The following IGSF9 variants were observed in gnomAD, a reference collection of about 807,000 sequenced individuals.
IGSF9 encodes immunoglobulin superfamily member 9.
A neutral mutation model predicts 121.7 loss-of-function variants in IGSF9; 87 were observed. The ratio of observed to expected loss-of-function variants is 0.71; its 90% confidence interval spans 0.60 to 0.85. IGSF9 has a LOEUF of 0.85. IGSF9 is among the 40% of genes least tolerant of loss of function. The pLI is 0.00. For synonymous variants in IGSF9, 640 were observed against 648.4 expected (o/e 0.99, Z 0.20); for missense variants, 1,462 against 1,565.3 (o/e 0.93, Z 1.11).
rs200016462 is a variant in IGSF9, at chr1:159,929,377, G to A, written c.2343C>T (p.Phe781=). The A allele has an allele frequency of 6.2e-7, 1 of 1,614,198 alleles. No individual in the cohort carries two copies. Among genetic ancestry groups the A allele is most frequent in the African/African-American group, 1.3e-5 (1 of 75,056 alleles). The change falls in exon 18 of 21, where the codon TTC becomes TTT. Residue 781 remains phenylalanine, a synonymous_variant. Coordinates refer to ENST00000368094, the MANE Select transcript of IGSF9 (RefSeq NM_001135050.2). ...KRLRQDPPLI[F]SPTGKSAAPS... is the part of the protein sequence containing the mutation. Reference sequence around the variant, plus strand: ...GTGCAGCTGACTTCCCGGTCGGAGAGAAGATAAGAGGTGGATCTGGAAGGG... The same window carrying A: ...GTGCAGCTGACTTCCCGGTCGGAGAAAAGATAAGAGGTGGATCTGGAAGGG...
chr1:159,935,357 G>A (rs1225956148), intron 6 of IGSF9, among the ~76,000 whole-genome samples: 1 of 152,142 alleles, frequency 6.6e-6, no homozygotes, highest in Admixed American at 6.5e-5. Context: ...CCAGCCCTGT[G>A]GACCCCTGCG....
In IGSF9 at chr1:159,929,406, G is replaced by A. The variant is rs201895706; in HGVS notation, c.2327-13C>T. The A allele has an allele frequency of 1.5e-4, 249 of 1,614,060 alleles. 2 individuals are homozygous for A. In the African/African-American group the frequency reaches 3.1e-3, roughly 20 times the overall value. ...ATAAGAGGTGGATCTGGAAGGGCATGAGAATAGTAGGTGACACAGGCAAAA... is the reference window on the plus strand; with the variant it reads ...ATAAGAGGTGGATCTGGAAGGGCATAAGAATAGTAGGTGACACAGGCAAAA... On this transcript the variant is annotated splice_polypyrimidine_tract_variant and intron_variant, in intron 17 of 20. Transcript: ENST00000368094.
intron 3 of IGSF9, among the ~76,000 whole-genome samples, chr1:159,940,498 C>T (rs1400897466): frequency 6.6e-6 from 1 of 152,160 alleles, no homozygotes; most frequent in African/African-American, 2.4e-5. Context: ...CCATATGCAG[C>T]GGCGTGTGAA....
chr1:159,928,698 G>A lies in IGSF9; in HGVS notation c.2690C>T (p.Pro897Leu), dbSNP rs751840592. Reference sequence around the variant, plus strand: ...AGGGCTGATGTCTTCAATGCAGAGGGGCTGGGGTGCCCCACTGGGGCTGCT... The same window carrying A: ...AGGGCTGATGTCTTCAATGCAGAGGAGCTGGGGTGCCCCACTGGGGCTGCT... ...SSSSPSGAPQ[P>L]LCIEDISPVA... Residue 897 changes from proline to leucine, a missense_variant, in exon 19 of 21, where the codon CCC becomes CTC. Pro to Leu is a moderately conservative substitution (Grantham distance 98). Around this residue, in one of 3 missense-constraint regions of IGSF9, gnomAD observed 808 missense variants for 815.2 expected, o/e 0.99. Coordinates refer to ENST00000368094, the MANE Select transcript of IGSF9 (RefSeq NM_001135050.2). 2 of 1,478,888 alleles carry A rather than the reference G, an allele frequency of 1.4e-6. No individual in the cohort carries two copies. Among genetic ancestry groups the A allele is most frequent in the Non-Finnish European group, 1.8e-6 (2 of 1,113,168 alleles). 91.6% of individuals were successfully genotyped at this position (1,478,888 alleles called of 1,614,324 possible).
Position 159,932,045 on chromosome 1 carries a change from G to A in IGSF9, c.1246-117C>T, listed in dbSNP as rs1327734257. 3 of 664,928 alleles carry A rather than the reference G, an allele frequency of 4.5e-6. No individual in the cohort carries two copies. The highest frequency in any genetic ancestry group is 7.9e-6 in the Non-Finnish European group (3 of 380,978). 41.2% of individuals were successfully genotyped at this position (664,928 alleles called of 1,614,324 possible). A position where few individuals can be genotyped will look rare whatever the true frequency, so the allele number is the denominator to read the frequency against. On this transcript the variant is annotated intron_variant, in intron 10 of 20. Transcript: ENST00000368094. The surrounding 1 kb of genome is among the most constrained non-coding windows in gnomAD (Gnocchi z 4.1). ...ACCTCACTCTCCCTCACTCCCCCTAGCTAAACACTCACCAAGCCTGTCTCT... is the reference window on the plus strand; with the variant it reads ...ACCTCACTCTCCCTCACTCCCCCTAACTAAACACTCACCAAGCCTGTCTCT...
At chr1:159,944,541 C>T (rs1326717592) in intron 1 of IGSF9, among the ~76,000 whole-genome samples, 1 of 152,156 alleles carries the variant, frequency 6.6e-6, no homozygotes, top group African/African-American at 2.4e-5. Flanking sequence ...GTTTGTCAAG[C>T]TCTTTCTTCC....
chr1:159,937,627 A>C, intron 4 of IGSF9, 59 bp downstream of exon 4: 600 of 1,524,202 alleles, frequency 3.9e-4, no homozygotes, highest in Middle Eastern at 5.1e-4. Context: ...CCCACCAGCC[A>C]GAGATCCCCA....
In IGSF9 at chr1:159,930,723, G is replaced by A. The variant is rs769335342; in HGVS notation, c.1782C>T (p.Pro594=). 6.2e-7 allele frequency: 1 copy of A among 1,614,130 alleles called. No individual in the cohort carries two copies. The highest frequency in any genetic ancestry group is 1.1e-5 in the South Asian group (1 of 91,086). Residue 594 remains proline (P), a synonymous_variant, in exon 14 of 21, where the codon CCC becomes CCT. Coordinates refer to ENST00000368094, the MANE Select transcript of IGSF9 (RefSeq NM_001135050.2). ...VLAQNKLGSG[P]FSEIVLSAPE... ...GAGCAGACAAGACGATTTCGCTGAA[G>A]GGACCACTCCCCAGCTTGTTCTGAG... is the stretch of plus-strand genomic sequence containing the variant.
rs186024344 is a variant in IGSF9, at chr1:159,941,905, G to T, written c.247+1058C>A. Among the ~76,000 whole-genome samples, 3 of 152,274 alleles carry T rather than the reference G, an allele frequency of 2.0e-5. No individual in the cohort carries two copies. In the East Asian group the frequency reaches 5.8e-4, roughly 30 times the overall value. ...GGCTGTTTGCCAATAACTGCCCCCA[G>T]TTTGAAAAGAAACTTCCCTTCTGCA... On this transcript the variant is annotated intron_variant, in intron 3 of 20. Transcript: ENST00000368094.
At position 159,934,488 on chromosome 1, in the gene IGSF9, T is replaced by C. The variant is rs1213400751; in HGVS notation, c.898A>G (p.Thr300Ala). ...AGGAGGCCATTGCTGGGCACACAGG[T>C]GTAGCAGCCGGCATCATCAGGCTGG... ...ATQPDDAGCY[T>A]CVPSNGLLHP... The change falls in exon 8 of 21, where the codon ACC becomes GCC. Residue 300 changes from threonine to alanine, a missense_variant. Coordinates refer to ENST00000368094, the MANE Select transcript of IGSF9 (RefSeq NM_001135050.2). The C allele has an allele frequency of 3.7e-6, 6 of 1,610,356 alleles. No individual in the cohort carries two copies. The East Asian group carries it at 1.3e-4, about 36-fold the overall frequency.
Position 159,932,094 on chromosome 1 carries a change from A to G in IGSF9, c.1246-166T>C. The G allele has an allele frequency of 1.7e-6, 1 of 582,106 alleles. No individual in the cohort carries two copies. Among genetic ancestry groups the G allele is most frequent in the Non-Finnish European group, 3.0e-6 (1 of 330,374 alleles). 36.1% of individuals were successfully genotyped at this position (582,106 alleles called of 1,614,324 possible). A position where few individuals can be genotyped will look rare whatever the true frequency, so the allele number is the denominator to read the frequency against. ...CTACCTCATTCTCTCTCCATCTCTC[A>G]ATTCCTCTCTGGCTCTGTTTCTGTT... On this transcript the variant is annotated intron_variant, in intron 10 of 20. Coordinates refer to ENST00000368094, the MANE Select transcript of IGSF9 (RefSeq NM_001135050.2). The surrounding 1 kb of genome is among the most constrained non-coding windows in gnomAD (Gnocchi z 4.1).
chr1:159,943,562 C>G lies in IGSF9; in HGVS notation c.-108G>C, dbSNP rs1651481975. 8.5e-6 allele frequency: 9 copies of G among 1,061,720 alleles called. No homozygotes were observed. Among genetic ancestry groups the G allele is most frequent in the Non-Finnish European group, 1.2e-5 (9 of 763,802 alleles). The allele number at this position is 1,061,720 out of a possible 1,614,324, so 65.8% of individuals were successfully genotyped here. A position where few individuals can be genotyped will look rare whatever the true frequency, so the allele number is the denominator to read the frequency against. ...CAGGGAACAGGTTTCAGCTCTCACT[C>G]TTCTGTACAGTGAGGGCTTGGCTCA... On this transcript the variant is annotated 5_prime_UTR_variant, in exon 2 of 21. Coordinates refer to ENST00000368094, the MANE Select transcript of IGSF9 (RefSeq NM_001135050.2).
At position 159,927,126 on chromosome 1, in the gene IGSF9, AGAG is replaced by A. The variant is rs1650763218; in HGVS notation, c.*216_*218del. 1.7e-6 allele frequency: 1 copy of A among 596,168 alleles called. No homozygotes were observed. 36.9% of individuals were successfully genotyped at this position (596,168 alleles called of 1,614,324 possible). A position where few individuals can be genotyped will look rare whatever the true frequency, so the allele number is the denominator to read the frequency against. ...GAGAGAGAGAGAGAGAGAGAGAGAGAGAGAGGCAGACCTAAGATCCCTGTTCCA... is the reference window on the plus strand; with the variant it reads ...GAGAGAGAGAGAGAGAGAGAGAGAGAAGGCAGACCTAAGATCCCTGTTCCA... On this transcript the variant is annotated 3_prime_UTR_variant, in exon 21 of 21. Transcript: ENST00000368094.
intron 9 of IGSF9, 134 bp downstream of exon 9, chr1:159,934,055 AT>A (rs1651095727): frequency 9.1e-7 from 1 of 1,096,274 alleles, no homozygotes; most frequent in Non-Finnish European, 1.3e-6. Flanking sequence ...AACATGTCTT[AT>A]AACACAAATT....
At chr1:159,935,486 C>T (rs982089505) in intron 6 of IGSF9, among the ~76,000 whole-genome samples, 1 of 152,204 alleles carries the variant, frequency 6.6e-6, no homozygotes, top group Non-Finnish European at 1.5e-5. Flanking sequence ...CCTGCACCCC[C>T]GGTCTGGAAT....
intron 6 of IGSF9, 152 bp from the exon 7 acceptor site, chr1:159,934,974 T>C: frequency 3.7e-6 from 3 of 815,484 alleles, no homozygotes; most frequent in Non-Finnish European, 5.7e-6. Context: ...AGCTTCCCCC[T>C]GTATGTAACA....
chr1:159,932,345 C>T lies in IGSF9; in HGVS notation c.1245+167G>A. ...TCCCGAGCACCACCTCTGCAGAAAC[C>T]TCTGGGATGGCATCAGGCAGCTGCT... is the stretch of plus-strand genomic sequence containing the variant. On this transcript the variant is annotated intron_variant, in intron 10 of 20. Coordinates refer to ENST00000368094, the MANE Select transcript of IGSF9 (RefSeq NM_001135050.2). The surrounding 1 kb of genome is among the most constrained non-coding windows in gnomAD (Gnocchi z 4.1). 1 of 692,554 alleles carries T rather than the reference C, an allele frequency of 1.4e-6. No individual in the cohort carries two copies. The highest frequency in any genetic ancestry group is 1.8e-5 in the South Asian group (1 of 54,346). 42.9% of individuals were successfully genotyped at this position (692,554 alleles called of 1,614,324 possible). A position where few individuals can be genotyped will look rare whatever the true frequency, so the allele number is the denominator to read the frequency against.
rs1463552708 is a variant in IGSF9 at position 159,928,717 on chromosome 1, G to T, written c.2671C>A (p.Pro891Thr). 1.4e-6 allele frequency: 2 copies of T among 1,476,372 alleles called. No individual in the cohort carries two copies. Among genetic ancestry groups the T allele is most frequent in the Non-Finnish European group, 9.0e-7 (1 of 1,111,952 alleles). 91.5% of individuals were successfully genotyped at this position (1,476,372 alleles called of 1,614,324 possible). Residue 891 changes from proline to threonine, a missense_variant, in exon 19 of 21, where the codon CCC becomes ACC. Physicochemically the swap from Pro to Thr is conservative, Grantham distance 38. Coordinates refer to ENST00000368094, the MANE Select transcript of IGSF9 (RefSeq NM_001135050.2). ...ARSFDCSSSSPSGAPQPLCIE... is the reference protein window; with the variant it reads ...ARSFDCSSSSTSGAPQPLCIE... Reference sequence around the variant, plus strand: ...CAGAGGGGCTGGGGTGCCCCACTGGGGCTGCTGCTGCTACAGTCAAAGGAC... The same window carrying T: ...CAGAGGGGCTGGGGTGCCCCACTGGTGCTGCTGCTGCTACAGTCAAAGGAC...
At position 159,930,402 on chromosome 1, in the gene IGSF9, T is replaced by TG; in HGVS notation, c.1850dup (p.Thr618AsnfsTer34). On this transcript the variant is annotated frameshift_variant, in exon 15 of 21. Coordinates refer to ENST00000368094, the MANE Select transcript of IGSF9 (RefSeq NM_001135050.2). LOFTEE classifies it high-confidence loss of function. ...GGGACAGGGGAGGCGGTATCTCTGTTGGGGGAAGCCCGGGTGCAGCTGGCG... is the reference window on the plus strand; with the variant it reads ...GGGACAGGGGAGGCGGTATCTCTGTTGGGGGGAAGCCCGGGTGCAGCTGGCG... The TG allele has an allele frequency of 1.0e-5, 16 of 1,559,128 alleles. No individual in the cohort carries two copies. Among genetic ancestry groups the TG allele is most frequent in the Non-Finnish European group, 1.3e-5 (15 of 1,151,772 alleles).
Sources: allele counts gnomAD v4.1 joint callset (sites outside exome capture counted in the v4.1 genomes callset), GRCh38; gene constraint gnomAD v4.1.1; regional missense constraint gnomAD v4.1.1; non-coding constraint Gnocchi (gnomAD v3.1); transcripts MANE v1.5; gene names NCBI Gene and HGNC (gene_info 2026-07-23, HGNC 2026-07-21).